Variants in PRDM2 observed in about 807,000 individuals in gnomAD.
The protein encoded by PRDM2 is PR domain zinc finger protein 2.
Under a neutral mutation model 130.0 loss-of-function variants are expected in PRDM2, and 30 were observed. The ratio of observed to expected loss-of-function variants is 0.23; its 90% CI spans 0.17 to 0.31. The LOEUF (loss-of-function observed/expected upper bound fraction) is 0.31, where lower values mean the gene tolerates loss of function less well. Ranked by LOEUF, PRDM2 falls within the 10% of genes least tolerant of loss-of-function variation. PRDM2 has a pLI of 1.00. For missense variants in PRDM2, 2,011 were observed against 2,108.4 expected (o/e 0.95, Z 0.90); for synonymous variants, 871 against 782.4 (o/e 1.11, Z -1.89).
Position 13,779,370 on chromosome 1 carries a change from G to A in PRDM2, c.1575G>A (p.Gln525=). 3.1e-6 allele frequency: 5 copies of A among 1,614,162 alleles called. No homozygotes were observed. The highest frequency in any genetic ancestry group is 4.2e-6 in the Non-Finnish European group (5 of 1,180,030). ...VRRKGGLEEP[Q]PPAEQAQATQ... ...GAAAAGGAGGCCTTGAAGAGCCCCA[G>A]CCTCCAGCAGAACAGGCCCAGGCCA... is the stretch of plus-strand genomic sequence containing the variant. The change falls in exon 8 of 10, where the codon CAG becomes CAA. Residue 525 remains glutamine (Q), a synonymous_variant. Coordinates refer to ENST00000311066, the MANE Select transcript of PRDM2 (RefSeq NM_001393986.1). The surrounding 1 kb of genome is among the most constrained non-coding windows in gnomAD (Gnocchi z 4.9).
chr1:13,717,450 A>G, intron 2 of PRDM2: 1 of 983,548 alleles, frequency 1.0e-6, no homozygotes, highest in Non-Finnish European at 1.2e-6. Flanking sequence ...AGTGGAATCT[A>G]AATGTTAATA....
intron 8 of PRDM2, among the ~76,000 whole-genome samples, chr1:13,785,861 C>CA (rs891176425): frequency 4.4e-5 from 6 of 136,724 alleles, no homozygotes; most frequent in Non-Finnish European, 7.8e-5. Flanking sequence ...TTTAATGAGA[C>CA]AGAGTCTCGC....
intron 2 of PRDM2, 70 bp from the exon 3 acceptor site, chr1:13,730,929 AG>A: frequency 9.0e-7 from 1 of 1,112,454 alleles, no homozygotes; most frequent in Non-Finnish European, 1.3e-6. Context: ...TTATTGAACC[AG>A]AAAAAAAAAA....
chr1:13,810,469 C>T (rs940243929), intron 8 of PRDM2, among the ~76,000 whole-genome samples: 2 of 149,868 alleles, frequency 1.3e-5, no homozygotes, highest in Non-Finnish European at 3.0e-5. Flanking sequence ...GTGCACTGAA[C>T]GTGAAAGCTT....
chr1:13,735,232 A>G (rs563735866), intron 4 of PRDM2, among the ~76,000 whole-genome samples: 1 of 152,354 alleles, frequency 6.6e-6, no homozygotes, highest in Admixed American at 6.5e-5. Context: ...ATTCTGTTAA[A>G]TCAGAAATAA....
chr1:13,792,282 G>T (rs1323330699), intron 8 of PRDM2, among the ~76,000 whole-genome samples: 1 of 152,192 alleles, frequency 6.6e-6, no homozygotes, highest in Non-Finnish European at 1.5e-5. Flanking sequence ...CCTGGAATTT[G>T]TGGCACAGGT....
At chr1:13,784,280 G>C (rs1644687971) in intron 8 of PRDM2, among the ~76,000 whole-genome samples, 1 of 152,204 alleles carries the variant, frequency 6.6e-6, no homozygotes, top group Non-Finnish European at 1.5e-5. Context: ...TTTGTGCTCA[G>C]TCTGTGTTCT....
rs372126386 is a variant in PRDM2, at chr1:13,817,883, G to A, written c.*23+1313G>A. Among the ~76,000 whole-genome samples, 192 of 152,110 alleles carry A rather than the reference G, an allele frequency of 1.3e-3. 1 individual carries two copies. The highest frequency in any genetic ancestry group is 3.9e-3 in the African/African-American group (162 of 41,498). ...GGCATGGTGGTGGGCGCCTGTAGTC[G>A]CAACTACTCAGGAGGCTGAGACAGG... On this transcript the variant is annotated intron_variant, in intron 9 of 9. Coordinates refer to ENST00000311066, the MANE Select transcript of PRDM2 (RefSeq NM_001393986.1).
intron 2 of PRDM2, among the ~76,000 whole-genome samples, chr1:13,717,208 T>G (rs1369017985): frequency 6.6e-6 from 1 of 152,226 alleles, no homozygotes; most frequent in Admixed American, 6.5e-5. Flanking sequence ...AGGCAAATTA[T>G]TTTTGAAATG....
intron 1 of PRDM2, among the ~76,000 whole-genome samples, chr1:13,702,477 C>CT (rs1642098548): frequency 6.6e-6 from 1 of 152,080 alleles, no homozygotes; most frequent in Non-Finnish European, 1.5e-5. Context: ...ATAAATTCTG[C>CT]TTTTTAGCAT....
chr1:13,820,236 G>T (rs751146422), intron 9 of PRDM2, among the ~76,000 whole-genome samples: 2 of 152,166 alleles, frequency 1.3e-5, no homozygotes, highest in Non-Finnish European at 2.9e-5. Flanking sequence ...CCATGGCTTT[G>T]GCTGCTTAGC....
intron 4 of PRDM2, among the ~76,000 whole-genome samples, chr1:13,735,072 C>CTTAGGGT (rs1257579918): frequency 6.6e-6 from 1 of 152,182 alleles, no homozygotes; most frequent in Non-Finnish European, 1.5e-5. Context: ...CATCAAAGCC[C>CTTAGGGT]CTAAGACCAG....
At position 13,781,825 on chromosome 1, in the gene PRDM2, A is replaced by G; in HGVS notation, c.4030A>G (p.Asn1344Asp). The change falls in exon 8 of 10, where the codon AAT becomes GAT. Residue 1344 changes from asparagine to aspartate, a missense_variant. Asn to Asp is a conservative substitution (Grantham distance 23). Around this residue, in one of 5 missense-constraint regions of PRDM2, gnomAD observed 229 missense variants for 364.1 expected, o/e 0.63. Transcript: ENST00000311066. This position sits in a 1 kb window ranked among gnomAD's most constrained non-coding sequence, Gnocchi z 6.1. Reference sequence around the variant, plus strand: ...CACAAAGTGTGGAAAAGGTGTCGACAATATGCCGGAGTTGCACAAACATAT... The same window carrying G: ...CACAAAGTGTGGAAAAGGTGTCGACGATATGCCGGAGTTGCACAAACATAT... Reference protein sequence around the residue: ...RCTKCGKGVDNMPELHKHILA... With the variant: ...RCTKCGKGVDDMPELHKHILA... The G allele has an allele frequency of 6.2e-7, 1 of 1,614,230 alleles. No homozygotes were observed. The highest frequency in any genetic ancestry group is 8.5e-7 in the Non-Finnish European group (1 of 1,180,040).
rs900538060 is a variant in PRDM2 at position 13,806,309 on chromosome 1, G to A, written c.5037-10118G>A. 2.6e-5 allele frequency among the ~76,000 whole-genome samples: 4 copies of A among 151,772 alleles called. No homozygotes were observed. The highest frequency in any genetic ancestry group is 7.3e-5 in the African/African-American group (3 of 41,276). The stretch of plus-strand genomic sequence containing the variant: ...GGCTCTGTCCCCTCGCTCCGTCTCC[G>A]CTCCCCCTTGGTGATCTCATCCAGT... On this transcript the variant is annotated intron_variant, in intron 8 of 9. Transcript: ENST00000311066. This position sits in a 1 kb window ranked among gnomAD's most constrained non-coding sequence, Gnocchi z 4.1.
At position 13,781,081 on chromosome 1, in the gene PRDM2, C is replaced by T. The variant is rs375625982; in HGVS notation, c.3286C>T (p.Pro1096Ser). 3 of 1,613,552 alleles carry T rather than the reference C, an allele frequency of 1.9e-6. No individual in the cohort carries two copies. The African/African-American group carries it at 4.0e-5, about 22-fold the overall frequency. Residue 1096 changes from proline (P) to serine (S), a missense_variant, in exon 8 of 10, where the codon CCC (proline) becomes TCC (serine). Physicochemically the swap from Pro to Ser is moderately conservative, Grantham distance 74. Transcript: ENST00000311066. This position sits in a 1 kb window ranked among gnomAD's most constrained non-coding sequence, Gnocchi z 6.1. ...SSGDNLEASL[P>S]MISFKQEELE... ...TGGTGATAATCTGGAGGCTTCTCTC[C>T]CCATGATATCTTTCAAACAGGAGGA...
chr1:13,769,962 T>A (rs2235523), intron 6 of PRDM2, among the ~76,000 whole-genome samples: 54,851 of 151,904 alleles, frequency 0.36, 10,516 homozygotes, highest in Admixed American at 0.51. Flanking sequence ...TAGTAAATAG[T>A]GGCTACAGGT....
chr1:13,774,312 T>C (rs1644423552), intron 7 of PRDM2, among the ~76,000 whole-genome samples: 1 of 152,252 alleles, frequency 6.6e-6, no homozygotes, highest in Non-Finnish European at 1.5e-5. Flanking sequence ...TTGTTTATAG[T>C]GAGCCAAGTA....
chr1:13,742,294 C>T (rs935307414), intron 5 of PRDM2, 137 bp downstream of exon 5: 2 of 967,454 alleles, frequency 2.1e-6, no homozygotes, highest in Admixed American at 2.7e-5. Context: ...TAAGCCTCCC[C>T]AGCCTTGGGC....
rs781781655 is a variant in PRDM2, at chr1:13,824,357, A to G, written c.*1222A>G. The G allele has an allele frequency of 2.0e-5, 3 of 152,552 alleles. No homozygotes were observed. The highest frequency in any genetic ancestry group is 2.9e-5 in the Non-Finnish European group (2 of 68,024). 9.4% of individuals were successfully genotyped at this position (152,552 alleles called of 1,614,324 possible). A position where few individuals can be genotyped will look rare whatever the true frequency, so the allele number is the denominator to read the frequency against. ...TAAAGGGATTTTTTTTTTCAGGGCT[A>G]CTACGGTTGATCTTGCAACTCTGTA... On this transcript the variant is annotated 3_prime_UTR_variant, in exon 10 of 10. Coordinates refer to ENST00000311066, the MANE Select transcript of PRDM2 (RefSeq NM_001393986.1).
Sources: gnomAD v4.1 joint callset for allele counts (sites outside exome capture counted in the v4.1 genomes callset) on GRCh38, gnomAD v4.1.1 for gene constraint, gnomAD v4.1.1 regional missense constraint, Gnocchi (gnomAD v3.1) non-coding constraint, MANE v1.5 for transcripts, NCBI Gene and HGNC (gene_info 2026-07-23, HGNC 2026-07-21) for gene names.